Variants in GRAMD2B observed in about 807,000 individuals in gnomAD.
GRAMD2B encodes GRAM domain-containing protein 2B.
Under a neutral mutation model 59.2 loss-of-function variants are expected in GRAMD2B, and 41 were observed. That is an observed-to-expected ratio of 0.69 (90% CI 0.54 to 0.90). GRAMD2B has a LOEUF of 0.90. Among genes scored for constraint, GRAMD2B ranks in the 40% least tolerant of loss-of-function variants. The pLI, the probability that GRAMD2B is intolerant of heterozygous loss-of-function variation, is 0.00. For synonymous variants in GRAMD2B, 161 were observed against 182.7 expected, an observed-to-expected ratio of 0.88 and a Z score of 0.96; for missense variants, 424 against 500.5, an observed-to-expected ratio of 0.85 and a Z score of 1.46.
intron 5 of GRAMD2B, among the ~76,000 whole-genome samples, chr5:126,475,757 G>C (rs539694152): frequency 6.6e-6 from 1 of 152,304 alleles, no homozygotes; most frequent in East Asian, 1.9e-4. Context: ...CTGAGGTCGG[G>C]CGTTCAAGAC....
intron 6 of GRAMD2B, chr5:126,479,927 C>A (rs1771400036): frequency 6.6e-6 from 1 of 152,332 alleles, no homozygotes; most frequent in South Asian, 2.1e-4. Flanking sequence ...ACTTATAAGT[C>A]TCCACTAGAA....
At chr5:126,376,852 C>T (rs1053297251) in intron 1 of GRAMD2B, among the ~76,000 whole-genome samples, 1 of 151,972 alleles carries the variant, frequency 6.6e-6, no homozygotes, top group African/African-American at 2.4e-5. Context: ...ATGAACTCTG[C>T]AGAGCTTCAC....
intron 1 of GRAMD2B, among the ~76,000 whole-genome samples, chr5:126,371,891 A>G (rs1754789337): frequency 6.6e-6 from 1 of 152,184 alleles, no homozygotes; most frequent in African/African-American, 2.4e-5. Flanking sequence ...AAGAAGTGAA[A>G]ACAAATCGTT....
chr5:126,406,244 T>C (rs544800147), intron 1 of GRAMD2B, among the ~76,000 whole-genome samples: 1 of 152,066 alleles, frequency 6.6e-6, no homozygotes, highest in African/African-American at 2.4e-5. Context: ...AAAATGGATA[T>C]ACCTAATGTT....
chr5:126,414,651 T>C (rs1241840252), intron 1 of GRAMD2B, among the ~76,000 whole-genome samples: 2 of 152,106 alleles, frequency 1.3e-5, no homozygotes, highest in Non-Finnish European at 2.9e-5. Flanking sequence ...TCTTTTTTTG[T>C]AGAGACAGTG....
chr5:126,370,675 A>T (rs1754703060), upstream of GRAMD2B, among the ~76,000 whole-genome samples: 2 of 152,214 alleles, frequency 1.3e-5, no homozygotes, highest in Admixed American at 1.3e-4. Context: ...AAATCAGCAT[A>T]ACAGATATCA....
At chr5:126,370,426 A>T (rs1236472686), upstream of GRAMD2B, among the ~76,000 whole-genome samples, 1 of 152,172 alleles carries the variant, frequency 6.6e-6, no homozygotes, top group Non-Finnish European at 1.5e-5. Flanking sequence ...AATGTCACTG[A>T]CTAATCACAA....
intron 4 of GRAMD2B, among the ~76,000 whole-genome samples, chr5:126,473,018 C>T (rs1769921116): frequency 6.6e-6 from 1 of 152,206 alleles, no homozygotes; most frequent in African/African-American, 2.4e-5. Flanking sequence ...CATTCTTGGT[C>T]TCTCAGGTAC....
At chr5:126,413,377 A>C (rs745486310) in intron 1 of GRAMD2B, among the ~76,000 whole-genome samples, 17 of 152,140 alleles carry the variant, frequency 1.1e-4, no homozygotes, top group Non-Finnish European at 2.2e-4. Flanking sequence ...AGTAATTCAG[A>C]AGCAAGTTTT....
At chr5:126,472,858 C>T (rs148149370) in intron 4 of GRAMD2B, among the ~76,000 whole-genome samples, 94 of 152,258 alleles carry the variant, frequency 6.2e-4, no homozygotes, top group African/African-American at 2.1e-3. Flanking sequence ...GACCTTCAAA[C>T]AGGAGGTGTG....
chr5:126,466,157 G>C, intron 2 of GRAMD2B: 1 of 1,395,910 alleles, frequency 7.2e-7, no homozygotes, highest in Non-Finnish European at 9.6e-7. Flanking sequence ...GGTGAGTGCA[G>C]TTTATCTAAA....
At chr5:126,437,743 C>A (rs1205998436) in intron 1 of GRAMD2B, among the ~76,000 whole-genome samples, 2 of 152,188 alleles carry the variant, frequency 1.3e-5, no homozygotes, top group Non-Finnish European at 2.9e-5. Flanking sequence ...AAGATAGTCA[C>A]CAGTGGCAAG....
intron 1 of GRAMD2B, among the ~76,000 whole-genome samples, chr5:126,444,817 C>T (rs1763924631): frequency 6.6e-6 from 1 of 152,202 alleles, no homozygotes; most frequent in Non-Finnish European, 1.5e-5. Context: ...TTAAGTCCAG[C>T]ATCCATTAGC....
intron 1 of GRAMD2B, among the ~76,000 whole-genome samples, chr5:126,426,416 T>C (rs1012356669): frequency 1.3e-5 from 2 of 152,214 alleles, no homozygotes; most frequent in Admixed American, 1.3e-4. Flanking sequence ...TGTACATATG[T>C]GGCTTCCGCC....
At chr5:126,434,573 A>G (rs1762106414) in intron 1 of GRAMD2B, among the ~76,000 whole-genome samples, 1 of 151,466 alleles carries the variant, frequency 6.6e-6, no homozygotes, top group South Asian at 2.1e-4. Context: ...GCTGGAGTGC[A>G]GTGGTGCGAT....
intron 1 of GRAMD2B, among the ~76,000 whole-genome samples, chr5:126,407,372 C>T (rs1404869286): frequency 6.6e-6 from 1 of 151,934 alleles, no homozygotes; most frequent in Non-Finnish European, 1.5e-5. Flanking sequence ...CTAAGCAAAC[C>T]AGGACAGTCA....
Position 126,484,412 on chromosome 5 carries a change from G to C in GRAMD2B, c.858G>C (p.Ala286=). 2 of 1,613,528 alleles carry C rather than the reference G, an allele frequency of 1.2e-6. No individual in the cohort carries two copies. The highest frequency in any genetic ancestry group is 4.5e-5 in the East Asian group (2 of 44,858). ...GTTTTGGCTTAGTAGATTTCCATGC[G>C]ACAGAATCCCAAACAGTTCTGAATG... ...PESENSRDFH[A]TESQTVLNVS... is the part of the protein sequence containing the mutation. Residue 286 remains alanine (A), a synonymous_variant, in exon 10 of 14, where the codon GCG becomes GCC. Transcript: ENST00000285689.
At chr5:126,480,779 C>T (rs1160757249) in intron 8 of GRAMD2B, 72 bp downstream of exon 8, 1 of 1,365,810 alleles carries the variant, frequency 7.3e-7, no homozygotes, top group Non-Finnish European at 1.0e-6. Flanking sequence ...TGTGCTTACA[C>T]CATGACCAGG....
chr5:126,368,540 C>T (rs962104484), upstream of GRAMD2B, among the ~76,000 whole-genome samples: 9 of 152,330 alleles, frequency 5.9e-5, no homozygotes, highest in Middle Eastern at 3.4e-3. Context: ...CCAGCTGGCT[C>T]CAGCCCTCAG....
Sources: gnomAD v4.1 joint callset for allele counts (sites outside exome capture counted in the v4.1 genomes callset) on GRCh38, gnomAD v4.1.1 for gene constraint, MANE v1.5 for transcripts, NCBI Gene and HGNC (gene_info 2026-07-23, HGNC 2026-07-21) for gene names.